The following CADM2 variants were observed in gnomAD, a reference collection of about 807,000 sequenced individuals.
CADM2 encodes immunoglobulin superfamily member 4D.
CADM2 carries 12 observed loss-of-function variants against 49.8 expected under a neutral mutation model. The observed-to-expected ratio is 0.24, with a 90% confidence interval of 0.15 to 0.39. CADM2 has a LOEUF of 0.39. CADM2 is among the 10% of genes least tolerant of loss of function. The probability of loss-of-function intolerance (pLI) is 1.00; values close to 1 mark genes in which losing one functional copy is unlikely to be tolerated. For synonymous variants in CADM2, 214 were observed against 175.4 expected (o/e 1.22, Z -1.74); for missense variants, 378 against 492.3 (o/e 0.77, Z 2.20).
chr3:85,390,808 C>G (rs1418606353), intron 1 of CADM2, among the ~76,000 whole-genome samples: 1 of 152,056 alleles, frequency 6.6e-6, no homozygotes, highest in Non-Finnish European at 1.5e-5. Flanking sequence ...CTCCTCAGCT[C>G]TGTGAATTCC....
intron 1 of CADM2, among the ~76,000 whole-genome samples, chr3:85,644,524 C>T (rs909586575): frequency 3.3e-5 from 5 of 152,080 alleles, no homozygotes; most frequent in South Asian, 2.1e-4. Flanking sequence ...ACTTTCTGCC[C>T]GGTTACTTTC....
intron 1 of CADM2, among the ~76,000 whole-genome samples, chr3:85,392,611 G>T (rs1181784044): frequency 6.6e-6 from 1 of 151,944 alleles, no homozygotes; most frequent in African/African-American, 2.4e-5. Flanking sequence ...GATTTTTAAA[G>T]CAGCACTCCC....
rs561715584 is a variant in CADM2 at position 85,762,319 on chromosome 3, C to T, written c.88+35771C>T. Among the ~76,000 whole-genome samples, 432 of 152,094 alleles carry T rather than the reference C, an allele frequency of 2.8e-3. 2 individuals are homozygous for T. The highest frequency in any genetic ancestry group is 5.0e-3 in the Non-Finnish European group (341 of 67,984). ...AGTGTTATTTCTTTTGGCATAACTC[C>T]CAGTTTGTTTGTTTGTTCATTTGTT... is the stretch of plus-strand genomic sequence containing the variant. On this transcript the variant is annotated intron_variant, in intron 2 of 9. Transcript: ENST00000383699.
intron 1 of CADM2, among the ~76,000 whole-genome samples, chr3:85,624,325 A>C (rs1220056952): frequency 6.6e-6 from 1 of 152,024 alleles, no homozygotes; most frequent in Non-Finnish European, 1.5e-5. Context: ...AAATGCTTTT[A>C]TAGAAACTCT....
In CADM2 at chr3:86,072,426, A is replaced by AC. The variant is rs1703337070; in HGVS notation, c.*5644dup. 1 of 151,874 alleles carries AC rather than the reference A, an allele frequency of 6.6e-6. No homozygotes were observed. The highest frequency in any genetic ancestry group is 2.1e-4 in the South Asian group (1 of 4,830). 9.4% of individuals were successfully genotyped at this position (151,874 alleles called of 1,614,324 possible). A position where few individuals can be genotyped will look rare whatever the true frequency, so the allele number is the denominator to read the frequency against. On this transcript the variant is annotated 3_prime_UTR_variant, in exon 10 of 10. Coordinates refer to ENST00000383699, the MANE Select transcript of CADM2 (RefSeq NM_001167675.2). The stretch of plus-strand genomic sequence containing the variant: ...AAAAAACAAAAAAAACAAAAAAAAA[A>AC]CACTATTTTCCCCTACGAAATATAC...
chr3:85,931,562 C>T (rs1017900327), intron 6 of CADM2, among the ~76,000 whole-genome samples: 2 of 152,156 alleles, frequency 1.3e-5, no homozygotes, highest in African/African-American at 2.4e-5. Flanking sequence ...TTAAAAAGAA[C>T]ATTACACAAA....
chr3:85,296,423 A>T (rs533330114), intron 1 of CADM2, among the ~76,000 whole-genome samples: 75 of 150,250 alleles, frequency 5.0e-4, no homozygotes, highest in African/African-American at 1.6e-3. Flanking sequence ...AAAGTAAACA[A>T]TTTTTTTTTT....
chr3:85,348,951 A>G (rs772488486), intron 1 of CADM2, among the ~76,000 whole-genome samples: 3 of 152,186 alleles, frequency 2.0e-5, no homozygotes, highest in Non-Finnish European at 4.4e-5. Context: ...AATACAAAGA[A>G]AAATATCTTG....
Position 85,806,485 on chromosome 3 carries a change from G to C in CADM2, c.238+4289G>C, listed in dbSNP as rs111621568. Reference sequence around the variant, plus strand: ...GTCATGTTAGAGTTGGAAAAGCCTTGTTTACATGAATTTATTAACTGAATA... The same window carrying C: ...GTCATGTTAGAGTTGGAAAAGCCTTCTTTACATGAATTTATTAACTGAATA... On this transcript the variant is annotated intron_variant, in intron 3 of 9. Coordinates refer to ENST00000383699, the MANE Select transcript of CADM2 (RefSeq NM_001167675.2). 1.9e-4 allele frequency among the ~76,000 whole-genome samples: 29 copies of C among 152,260 alleles called. 1 individual carries two copies. Among genetic ancestry groups the C allele is most frequent in the African/African-American group, 7.0e-4 (29 of 41,562 alleles).
At chr3:85,543,054 C>A (rs1429974706) in intron 1 of CADM2, among the ~76,000 whole-genome samples, 1 of 152,034 alleles carries the variant, frequency 6.6e-6, no homozygotes, top group African/African-American at 2.4e-5. Flanking sequence ...CTAGAGAAAT[C>A]AAGAACTTGT....
At chr3:86,036,809 T>C (rs1408215568) in intron 8 of CADM2, among the ~76,000 whole-genome samples, 6 of 152,180 alleles carry the variant, frequency 3.9e-5, no homozygotes, top group African/African-American at 1.4e-4. Context: ...ACCCTGGAAA[T>C]AGAACAGATG....
At chr3:85,199,333 TTGTGTGTGTGTGTG>T (rs35067183) in intron 1 of CADM2, among the ~76,000 whole-genome samples, 3 of 134,426 alleles carry the variant, frequency 2.2e-5, no homozygotes, top group Non-Finnish European at 4.7e-5. Context: ...GTAACTCTCT[TTGTGTGTGTGTGTG>T]TGTGTGTGTG....
At chr3:85,569,433 G>T (rs1333609477) in intron 1 of CADM2, among the ~76,000 whole-genome samples, 1 of 152,102 alleles carries the variant, frequency 6.6e-6, no homozygotes, top group Non-Finnish European at 1.5e-5. Context: ...CTTTTTGTGT[G>T]AGTATGCTAT....
At chr3:85,740,817 TCTGTAGCTTTCCGG>T (rs1004605177) in intron 2 of CADM2, among the ~76,000 whole-genome samples, 2 of 152,212 alleles carry the variant, frequency 1.3e-5, no homozygotes, top group African/African-American at 4.8e-5. Context: ...CTGTAGCAGT[TCTGTAGCTTTCCGG>T]CTGTGATTAA....
chr3:85,814,410 A>C (rs1295782311), intron 3 of CADM2, among the ~76,000 whole-genome samples: 2 of 152,082 alleles, frequency 1.3e-5, no homozygotes, highest in Non-Finnish European at 2.9e-5. Context: ...TGCCCACAAG[A>C]GAAAGCAGGA....
intron 1 of CADM2, among the ~76,000 whole-genome samples, chr3:85,607,352 A>G (rs1216797425): frequency 6.6e-6 from 1 of 152,140 alleles, no homozygotes; most frequent in African/African-American, 2.4e-5. Context: ...TGGCTGGGAC[A>G]GTGTGCAGGG....
chr3:85,392,825 C>A (rs1274010361), intron 1 of CADM2, among the ~76,000 whole-genome samples: 1 of 152,100 alleles, frequency 6.6e-6, no homozygotes, highest in Non-Finnish European at 1.5e-5. Flanking sequence ...GTTCAGCTAG[C>A]TTTTCCTCAC....
intron 3 of CADM2, among the ~76,000 whole-genome samples, chr3:85,868,753 T>G (rs1190552633): frequency 6.6e-6 from 1 of 152,158 alleles, no homozygotes; most frequent in Non-Finnish European, 1.5e-5. Flanking sequence ...TGTGTAATCT[T>G]TCCCTTCTCT....
intron 2 of CADM2, 32 bp downstream of exon 2, chr3:85,726,580 A>G: frequency 6.4e-7 from 1 of 1,566,984 alleles, no homozygotes; most frequent in South Asian, 1.1e-5. Context: ...ATGAGTCATC[A>G]TCATTCATTT....
Sources: gnomAD v4.1 joint callset for allele counts (sites outside exome capture counted in the v4.1 genomes callset) on GRCh38, gnomAD v4.1.1 for gene constraint, MANE v1.5 for transcripts, NCBI Gene and HGNC (gene_info 2026-07-23, HGNC 2026-07-21) for gene names.